PRKN: variants seen among roughly 807,000 people sequenced by gnomAD.
The protein encoded by PRKN is parkin RBR E3 ubiquitin protein ligase.
In PRKN, 56 loss-of-function variants were observed where a neutral mutation model predicts 59.5. The ratio of observed to expected loss-of-function variants is 0.94; its 90% CI spans 0.76 to 1.18. The LOEUF (loss-of-function observed/expected upper bound fraction) is 1.18, where lower values mean the gene tolerates loss of function less well. Among genes scored for constraint, PRKN ranks in the 50% most tolerant of loss-of-function variants. The pLI is 0.00. For missense variants in PRKN, 657 were observed against 596.4 expected, an observed-to-expected ratio of 1.10 and a Z score of -1.06; for synonymous variants, 250 against 222.1, an observed-to-expected ratio of 1.13 and a Z score of -1.12.
chr6:162,727,513 CCGGCGGCGCGGGCCGGGGA>C, intron 1 of PRKN, 130 bp downstream of exon 1: 2 of 872,536 alleles, frequency 2.3e-6, no homozygotes, highest in Non-Finnish European at 3.5e-6. Context: ...GCTGGGGAGC[CCGGCGGCGCGGGCCGGGGA>C]CGGCACGGGC....
chr6:161,810,000 A>G (rs1791496152), intron 6 of PRKN, among the ~76,000 whole-genome samples: 1 of 152,272 alleles, frequency 6.6e-6, no homozygotes, highest in Non-Finnish European at 1.5e-5. Flanking sequence ...ATTCATACTC[A>G]TACATACATA....
At chr6:162,128,418 T>C (rs987869367) in intron 4 of PRKN, among the ~76,000 whole-genome samples, 7 of 152,132 alleles carry the variant, frequency 4.6e-5, no homozygotes, top group African/African-American at 1.7e-4. Flanking sequence ...ATTGGATTTT[T>C]ATGGTAGAAG....
At chr6:161,940,758 T>C (rs1174342658) in intron 6 of PRKN, among the ~76,000 whole-genome samples, 7 of 152,156 alleles carry the variant, frequency 4.6e-5, no homozygotes. Context: ...ATGTGGCATG[T>C]GGCAAGGGAA....
chr6:162,397,496 T>C (rs981244264), intron 2 of PRKN, among the ~76,000 whole-genome samples: 1 of 148,090 alleles, frequency 6.8e-6, no homozygotes, highest in African/African-American at 2.5e-5. Context: ...TATTTGGAGG[T>C]AGATGGAAAT....
At chr6:162,553,235 G>T (rs9347660) in intron 1 of PRKN, among the ~76,000 whole-genome samples, 2 of 151,862 alleles carry the variant, frequency 1.3e-5, no homozygotes, top group African/African-American at 4.8e-5. Context: ...CAGCACAAGT[G>T]GAGGCCTTTG....
intron 7 of PRKN, among the ~76,000 whole-genome samples, chr6:161,707,278 G>A (rs1786541000): frequency 8.1e-6 from 1 of 124,194 alleles, no homozygotes; most frequent in Non-Finnish European, 1.8e-5. Flanking sequence ...ACAGTTATAA[G>A]AGAAAGACAG....
intron 1 of PRKN, among the ~76,000 whole-genome samples, chr6:162,557,500 TTGTTTTC>T (rs1003008496): frequency 4.1e-5 from 6 of 145,614 alleles, no homozygotes; most frequent in African/African-American, 7.4e-5. Context: ...TGGTGTTTTT[TTGTTTTC>T]TGTTTTCTGT....
chr6:161,783,433 C>G (rs1203872543), intron 7 of PRKN, among the ~76,000 whole-genome samples: 1 of 152,020 alleles, frequency 6.6e-6, no homozygotes, highest in African/African-American at 2.4e-5. Context: ...GGTCATTCGG[C>G]GAGAATTACA....
chr6:161,654,096 A>G (rs2128162854), intron 7 of PRKN, among the ~76,000 whole-genome samples: 1 of 152,224 alleles, frequency 6.6e-6, no homozygotes, highest in Non-Finnish European at 1.5e-5. Flanking sequence ...CCTCCTGAGT[A>G]GCTAGGAGCG....
rs552950889 is a variant in PRKN, at chr6:161,523,260, AT to A, written c.1083+25593del. ...CATGTACCAATTACAAAATTGGGAG[AT>A]AACTAAATTTTTATAAAACGTTTTG... On this transcript the variant is annotated intron_variant, in intron 9 of 11. Coordinates refer to ENST00000366898, the MANE Select transcript of PRKN (RefSeq NM_004562.3). Among the ~76,000 whole-genome samples the A allele has an allele frequency of 3.3e-5, 5 of 152,348 alleles. No individual in the cohort carries two copies. The South Asian group carries it at 1.0e-3, about 32-fold the overall frequency.
intron 7 of PRKN, among the ~76,000 whole-genome samples, chr6:161,696,336 C>G (rs1037488070): frequency 2.0e-5 from 3 of 152,178 alleles, no homozygotes; most frequent in Non-Finnish European, 4.4e-5. Flanking sequence ...TTTCTAAACT[C>G]TGCTGAACTA....
At chr6:161,870,238 G>A (rs1794289840) in intron 6 of PRKN, among the ~76,000 whole-genome samples, 1 of 151,764 alleles carries the variant, frequency 6.6e-6, no homozygotes, top group African/African-American at 2.4e-5. Flanking sequence ...CAATTGGGAA[G>A]AAAAGTGGTA....
At chr6:161,890,142 C>T (rs1462656809) in intron 6 of PRKN, among the ~76,000 whole-genome samples, 1 of 152,150 alleles carries the variant, frequency 6.6e-6, no homozygotes, top group Non-Finnish European at 1.5e-5. Context: ...TCATTCAAAT[C>T]CTATGAAAAT....
intron 2 of PRKN, among the ~76,000 whole-genome samples, chr6:162,320,127 T>C (rs1381999633): frequency 6.6e-6 from 1 of 151,832 alleles, no homozygotes; most frequent in African/African-American, 2.4e-5. Flanking sequence ...TTCATGTTGC[T>C]GCAAAGTACA....
chr6:161,644,929 C>T (rs1433819979), intron 7 of PRKN, among the ~76,000 whole-genome samples: 7 of 152,282 alleles, frequency 4.6e-5, no homozygotes. Context: ...CTAATAAAAC[C>T]AGACTGGAAG....
At chr6:161,591,385 G>A (rs1008993610) in intron 7 of PRKN, among the ~76,000 whole-genome samples, 3 of 152,138 alleles carry the variant, frequency 2.0e-5, no homozygotes, top group African/African-American at 7.2e-5. Flanking sequence ...GGGCCTGAAG[G>A]AAATGACACT....
At chr6:161,367,475 T>C (rs944206823) in intron 10 of PRKN, among the ~76,000 whole-genome samples, 18 of 151,730 alleles carry the variant, frequency 1.2e-4, no homozygotes, top group African/African-American at 2.4e-4. Flanking sequence ...CTTTTCTTTT[T>C]TTTTTTTTTC....
intron 1 of PRKN, among the ~76,000 whole-genome samples, chr6:162,704,196 G>A (rs919619318): frequency 3.3e-5 from 5 of 152,176 alleles, no homozygotes; most frequent in Admixed American, 6.5e-5. Flanking sequence ...CTGGGCAGCA[G>A]GGGACTATAC....
chr6:161,773,436 TTATC>T (rs1045152463), intron 7 of PRKN, among the ~76,000 whole-genome samples: 9 of 152,158 alleles, frequency 5.9e-5, no homozygotes, highest in Admixed American at 1.3e-4. Context: ...TACTATCTGT[TTATC>T]TATCTATCAT....
Sources: allele counts gnomAD v4.1 joint callset (sites outside exome capture counted in the v4.1 genomes callset), GRCh38; gene constraint gnomAD v4.1.1; transcripts MANE v1.5; gene names NCBI Gene and HGNC (gene_info 2026-07-23, HGNC 2026-07-21).